The following WWOX variants were observed in gnomAD, a reference collection of about 807,000 sequenced individuals.
WWOX encodes the protein WW domain containing oxidoreductase.
WWOX carries 69 observed loss-of-function variants against 46.2 expected under a neutral mutation model. The ratio of observed to expected loss-of-function variants is 1.49; its 90% CI spans 1.23 to 1.82. WWOX has a LOEUF of 1.82. Among genes scored for constraint, WWOX ranks in the 40% most tolerant of loss-of-function variants. WWOX has a pLI of 0.00. For synonymous variants in WWOX, 359 were observed against 202.6 expected (o/e 1.77, Z -6.56); for missense variants, 919 against 542.6 (o/e 1.69, Z -6.89).
At chr16:78,592,287 G>C (rs1363316454) in intron 8 of WWOX, among the ~76,000 whole-genome samples, 3 of 152,168 alleles carry the variant, frequency 2.0e-5, no homozygotes, top group African/African-American at 7.2e-5. Context: ...TAGGACATAT[G>C]TGTCTTCTGC....
At chr16:78,632,557 A>ATTTTTTTTTTTTTTTTTTTT (rs545062752) in intron 8 of WWOX, among the ~76,000 whole-genome samples, 6 of 74,748 alleles carry the variant, frequency 8.0e-5, no homozygotes, top group Non-Finnish European at 9.6e-5. Flanking sequence ...TACTTGGCCA[A>ATTTTTTTTTTTTTTTTTTTT]TTTTTTTTTT....
rs377066400 is a variant in WWOX, at chr16:78,099,740, A to T, written c.-39A>T. On this transcript the variant is annotated 5_prime_UTR_variant, in exon 1 of 9. Coordinates refer to ENST00000566780, the MANE Select transcript of WWOX (RefSeq NM_016373.4). ...GAGTTCCTGAGCGAGTGGACCCGGCAGCGGGCGATAGGGGGGCCAGGTGCC... is the reference window on the plus strand; with the variant it reads ...GAGTTCCTGAGCGAGTGGACCCGGCTGCGGGCGATAGGGGGGCCAGGTGCC... The T allele has an allele frequency of 7.6e-5, 115 of 1,517,056 alleles. 1 individual carries two copies. The African/African-American group carries it at 1.4e-3, about 18-fold the overall frequency. 94.0% of individuals were successfully genotyped at this position (1,517,056 alleles called of 1,614,324 possible).
chr16:78,483,444 G>A (rs1236437589), intron 8 of WWOX, among the ~76,000 whole-genome samples: 1 of 130,218 alleles, frequency 7.7e-6, no homozygotes, highest in Admixed American at 7.9e-5. Flanking sequence ...TTTTTTGGTA[G>A]TTTCTTAATG....
intron 8 of WWOX, among the ~76,000 whole-genome samples, chr16:78,710,750 G>C (rs1261620042): frequency 6.6e-6 from 1 of 151,070 alleles, no homozygotes; most frequent in Non-Finnish European, 1.5e-5. Context: ...GAGTGGCTGG[G>C]ACCGCAGGTT....
chr16:78,738,950 C>T (rs949807192), intron 8 of WWOX, among the ~76,000 whole-genome samples: 1 of 152,150 alleles, frequency 6.6e-6, no homozygotes, highest in Non-Finnish European at 1.5e-5. Context: ...AATGCAACTT[C>T]TCATGCTGCC....
At chr16:79,105,243 A>T (rs921732263) in intron 8 of WWOX, among the ~76,000 whole-genome samples, 4 of 152,206 alleles carry the variant, frequency 2.6e-5, no homozygotes, top group African/African-American at 9.6e-5. Context: ...GTTTTGAATC[A>T]TTCAAAGGAA....
At chr16:78,417,495 C>G (rs1333923235) in intron 6 of WWOX, among the ~76,000 whole-genome samples, 1 of 152,030 alleles carries the variant, frequency 6.6e-6, no homozygotes, top group African/African-American at 2.4e-5. Context: ...AAGTGCCTAA[C>G]CCATAGTTAG....
chr16:78,764,513 C>G (rs1010259830), intron 8 of WWOX, among the ~76,000 whole-genome samples: 1 of 145,628 alleles, frequency 6.9e-6, no homozygotes, highest in Non-Finnish European at 1.5e-5. Flanking sequence ...TGTCTAGAAC[C>G]TGTGTTCTCT....
At position 78,121,735 on chromosome 16, in the gene WWOX, C is replaced by G. The variant is rs530789024; in HGVS notation, c.409+6581C>G. 9.2e-5 allele frequency among the ~76,000 whole-genome samples: 14 copies of G among 151,684 alleles called. No individual in the cohort carries two copies. In the East Asian group the frequency reaches 2.5e-3, roughly 27 times the overall value. On this transcript the variant is annotated intron_variant, in intron 4 of 8. Transcript: ENST00000566780. ...GGAGTACAGTGGCGTGATCTCAGCT[C>G]ACTGCAACCTTTGTCTCCCAGGGCC...
chr16:79,177,439 G>C (rs535903037), intron 8 of WWOX, among the ~76,000 whole-genome samples: 2 of 152,048 alleles, frequency 1.3e-5, no homozygotes, highest in Non-Finnish European at 2.9e-5. Flanking sequence ...ACACACTTCC[G>C]CTAACCTCTT....
chr16:78,326,584 C>CA lies in WWOX; in HGVS notation c.517-60276_517-60275insA. 4.0e-5 allele frequency among the ~76,000 whole-genome samples: 4 copies of CA among 100,808 alleles called. No individual in the cohort carries two copies. In the Admixed American group the frequency reaches 4.0e-4, roughly 10 times the overall value. The allele number at this position is 100,808 out of a possible 152,430, so 66.1% of individuals were successfully genotyped here. On this transcript the variant is annotated intron_variant, in intron 5 of 8. Coordinates refer to ENST00000566780, the MANE Select transcript of WWOX (RefSeq NM_016373.4). ...TCTGCCTGCCCTCCCCCCGCCCCCC[C>CA]CCCCCGCAATGCCTCAATCTGTGGC...
chr16:78,106,034 T>C (rs1281879076), intron 1 of WWOX, among the ~76,000 whole-genome samples: 1 of 152,160 alleles, frequency 6.6e-6, no homozygotes, highest in African/African-American at 2.4e-5. Context: ...TCTCCTGGGC[T>C]CTAGCGATCC....
chr16:78,943,521 G>C (rs188833553), intron 8 of WWOX, among the ~76,000 whole-genome samples: 11 of 152,242 alleles, frequency 7.2e-5, no homozygotes. Flanking sequence ...TGGGGTTATC[G>C]AGCTTTATCA....
chr16:78,314,687 G>GTTTTTTTTTTTTTTGTTTTTTT (rs1567494414), intron 5 of WWOX, among the ~76,000 whole-genome samples: 1 of 92,058 alleles, frequency 1.1e-5, no homozygotes, highest in Non-Finnish European at 1.9e-5. Flanking sequence ...ACCCTGCAGG[G>GTTTTTTTTTTTTTTGTTTTTTT]GTTTTTTTTT....
chr16:79,106,103 G>A (rs542888813), intron 8 of WWOX: 1 of 152,290 alleles, frequency 6.6e-6, no homozygotes, highest in South Asian at 2.1e-4. Context: ...AATCACCTGG[G>A]AATTTGTTAG....
chr16:78,314,701 G>GTTTTTTTTTTTTTTTTTTTT (rs920575863), intron 5 of WWOX, among the ~76,000 whole-genome samples: 5 of 61,298 alleles, frequency 8.2e-5, no homozygotes, highest in African/African-American at 2.2e-4. Context: ...TTTTTTTTTT[G>GTTTTTTTTTTTTTTTTTTTT]TTTTTTTTTT....
intron 8 of WWOX, among the ~76,000 whole-genome samples, chr16:78,889,331 A>C (rs1190645626): frequency 6.7e-6 from 1 of 148,384 alleles, no homozygotes; most frequent in African/African-American, 2.5e-5. Flanking sequence ...CTTTTTAAGA[A>C]GATCTTTGTC....
chr16:79,015,847 G>C (rs1346171143), intron 8 of WWOX, among the ~76,000 whole-genome samples: 2 of 152,190 alleles, frequency 1.3e-5, no homozygotes, highest in Non-Finnish European at 1.5e-5. Flanking sequence ...CGCCTCCCGG[G>C]TTCATGTGAT....
chr16:78,233,555 C>G (rs55718619), intron 5 of WWOX, among the ~76,000 whole-genome samples: 6,057 of 111,128 alleles, frequency 0.055, 425 homozygotes, highest in African/African-American at 0.19. Flanking sequence ...GAGATGGAGT[C>G]TTGCTCTTTT....
Sources: allele counts gnomAD v4.1 joint callset (sites outside exome capture counted in the v4.1 genomes callset), GRCh38; gene constraint gnomAD v4.1.1; transcripts MANE v1.5; gene names NCBI Gene and HGNC (gene_info 2026-07-23, HGNC 2026-07-21).